Variants in GPC3 observed in about 807,000 individuals in gnomAD.
The protein encoded by GPC3 is glypican-3.
A neutral mutation model predicts 34.4 loss-of-function variants in GPC3; 3 were observed. That is an observed-to-expected ratio of 0.09 (90% CI 0.04 to 0.23). GPC3 has a LOEUF of 0.23. Ranked by LOEUF, GPC3 falls within the 10% of genes least tolerant of loss-of-function variation. The pLI is 1.00. For synonymous variants in GPC3, 177 were observed against 174.0 expected, an observed-to-expected ratio of 1.02 and a Z score of -0.13; for missense variants, 351 against 445.6, an observed-to-expected ratio of 0.79 and a Z score of 1.91.
At chrX:133,649,232 T>C (rs143162119) in intron 6 of GPC3, among the ~76,000 whole-genome samples, 1,379 of 110,277 alleles carry the variant, frequency 0.013, 22 homozygotes, top group African/African-American at 0.043. Flanking sequence ...GGGCATTCAA[T>C]AAATAACTCC....
chrX:133,633,730 T>C (rs1168665694), intron 6 of GPC3, among the ~76,000 whole-genome samples: 1 of 112,082 alleles, frequency 8.9e-6, no homozygotes. Flanking sequence ...GAAAGCACTT[T>C]GTAATATCTC....
At chrX:133,690,953 CTTGAT>C (rs1196549071) in intron 5 of GPC3, among the ~76,000 whole-genome samples, 3 of 111,677 alleles carry the variant, frequency 2.7e-5, no homozygotes, top group Non-Finnish European at 5.6e-5. Flanking sequence ...ATTCTGTCCT[CTTGAT>C]TTAATTTTTT....
chrX:133,892,250 G>C (rs1334265849), intron 2 of GPC3, among the ~76,000 whole-genome samples: 2 of 111,597 alleles, frequency 1.8e-5, no homozygotes, highest in African/African-American at 6.5e-5. Context: ...TTCTGGAGCA[G>C]AGCTTTCAAA....
chrX:133,891,062 A>G (rs2076084672), intron 2 of GPC3, among the ~76,000 whole-genome samples: 1 of 110,313 alleles, frequency 9.1e-6, no homozygotes, highest in Non-Finnish European at 1.9e-5. Flanking sequence ...AATAAAATGT[A>G]TATACAGGTA....
At chrX:133,576,232 T>G (rs114819660) in intron 7 of GPC3, among the ~76,000 whole-genome samples, 5,254 of 110,377 alleles carry the variant, frequency 0.048, 343 homozygotes, top group African/African-American at 0.16. Context: ...AGCTCTGTTT[T>G]TTTGTTTGTT....
chrX:133,867,985 G>A (rs753476149), intron 2 of GPC3, among the ~76,000 whole-genome samples: 9 of 109,317 alleles, frequency 8.2e-5, no homozygotes, highest in Non-Finnish European at 1.5e-4. Flanking sequence ...ATCCCACTGA[G>A]AGGCACCTCT....
chrX:133,751,827 G>C (rs1391218993), intron 3 of GPC3, among the ~76,000 whole-genome samples: 1 of 112,054 alleles, frequency 8.9e-6, no homozygotes, highest in Non-Finnish European at 1.9e-5. Flanking sequence ...GATCAGTAGA[G>C]TGTCTACAGT....
intron 6 of GPC3, among the ~76,000 whole-genome samples, chrX:133,602,393 C>A (rs2069992550): frequency 9.0e-6 from 1 of 111,396 alleles, no homozygotes; most frequent in Non-Finnish European, 1.9e-5. Context: ...TGGGATCCTC[C>A]TTCTATCAGA....
chrX:133,573,549 T>A (rs1016214388), intron 7 of GPC3, among the ~76,000 whole-genome samples: 1 of 111,722 alleles, frequency 9.0e-6, no homozygotes, highest in African/African-American at 3.3e-5. Context: ...AATAAATGAA[T>A]CCATTGAGGT....
At chrX:133,661,023 G>A (rs1052209993) in intron 6 of GPC3, among the ~76,000 whole-genome samples, 14 of 109,996 alleles carry the variant, frequency 1.3e-4, no homozygotes, top group African/African-American at 4.3e-4. Context: ...TTAAACATTA[G>A]CCAGGTATGG....
At chrX:133,603,007 T>C (rs897068519) in intron 6 of GPC3, among the ~76,000 whole-genome samples, 1 of 110,950 alleles carries the variant, frequency 9.0e-6, no homozygotes, top group Admixed American at 9.6e-5. Flanking sequence ...ACAAACAGTC[T>C]TGATGGCTTA....
intron 7 of GPC3, among the ~76,000 whole-genome samples, chrX:133,582,695 G>A (rs953254183): frequency 6.3e-5 from 7 of 111,442 alleles, no homozygotes; most frequent in African/African-American, 2.3e-4. Context: ...ATTGGTCCAT[G>A]ACAGATTTGG....
In GPC3 at chrX:133,751,877, T is replaced by TTTTTTG. The variant is rs376121606; in HGVS notation, c.1032+1599_1032+1604dup. Among the ~76,000 whole-genome samples, 1,054 of 111,471 alleles carry TTTTTTG rather than the reference T, an allele frequency of 9.5e-3. 24 individuals are homozygous for TTTTTTG. Among genetic ancestry groups the TTTTTTG allele is most frequent in the African/African-American group, 0.033 (1,013 of 30,435 alleles). ...CATATATTTCTTTCTCTCTCTTGTTTTTTTTGTTTTTGTTTTTGTTTTTGT... is the reference window on the plus strand; with the variant it reads ...CATATATTTCTTTCTCTCTCTTGTTTTTTTTGTTTTTGTTTTTGTTTTTGTTTTTGT... On this transcript the variant is annotated intron_variant, in intron 3 of 7. Transcript: ENST00000370818.
chrX:133,745,851 G>T (rs191315643), intron 3 of GPC3, among the ~76,000 whole-genome samples: 1 of 112,459 alleles, frequency 8.9e-6, no homozygotes, highest in East Asian at 2.8e-4. Flanking sequence ...AGGAACAGAC[G>T]AACTGACTAC....
At chrX:133,906,974 G>A (rs183464708) in intron 2 of GPC3, among the ~76,000 whole-genome samples, 4 of 109,809 alleles carry the variant, frequency 3.6e-5, no homozygotes, top group African/African-American at 1.3e-4. Context: ...GGTGGCGGGC[G>A]CCTGTAGTCC....
rs376393241 is a variant in GPC3, at chrX:133,866,760, C to T, written c.337+86290G>A. On this transcript the variant is annotated intron_variant, in intron 2 of 7. Transcript: ENST00000370818. ...TTTTGGAAGAGATCAAGCAATGCCC[C>T]CCAAACTTCTCTAGTCAATCATCAA... is the stretch of plus-strand genomic sequence containing the variant. Among the ~76,000 whole-genome samples the T allele has an allele frequency of 3.6e-5, 4 of 110,821 alleles. No individual in the cohort carries two copies. In the Admixed American group the frequency reaches 3.9e-4, roughly 11 times the overall value.
intron 6 of GPC3, among the ~76,000 whole-genome samples, chrX:133,616,522 C>A (rs1465000101): frequency 9.1e-6 from 1 of 110,332 alleles, no homozygotes; most frequent in Non-Finnish European, 1.9e-5. Context: ...CAAGATAATC[C>A]TAAAATTCAT....
At chrX:133,833,010 T>C (rs2075782830) in intron 2 of GPC3, among the ~76,000 whole-genome samples, 1 of 112,320 alleles carries the variant, frequency 8.9e-6, no homozygotes, top group South Asian at 3.7e-4. Flanking sequence ...CCATGTTTAA[T>C]TATTGTTTCA....
At chrX:133,933,202 G>A (rs185962311) in intron 2 of GPC3, among the ~76,000 whole-genome samples, 7 of 110,505 alleles carry the variant, frequency 6.3e-5, no homozygotes, top group African/African-American at 2.0e-4. Context: ...AACTCAAAAC[G>A]GACCCTTGAG....
Sources: gnomAD v4.1 joint callset for allele counts (sites outside exome capture counted in the v4.1 genomes callset) on GRCh38, gnomAD v4.1.1 for gene constraint, MANE v1.5 for transcripts, NCBI Gene and HGNC (gene_info 2026-07-23, HGNC 2026-07-21) for gene names.